The following DPP6 variants were observed in gnomAD, a reference collection of about 807,000 sequenced individuals.
DPP6 encodes the protein A-type potassium channel modulatory protein DPP6.
Under a neutral mutation model 122.6 loss-of-function variants are expected in DPP6, and 69 were observed. The ratio of observed to expected loss-of-function variants is 0.56; its 90% CI spans 0.46 to 0.69. The LOEUF is 0.69. Ranked by LOEUF, DPP6 falls within the 30% of genes least tolerant of loss-of-function variation. The pLI is 0.00. For missense variants in DPP6, 928 were observed against 1,116.9 expected, an observed-to-expected ratio of 0.83 and a Z score of 2.41; for synonymous variants, 418 against 433.1, an observed-to-expected ratio of 0.97 and a Z score of 0.43.
chr7:154,466,495 C>G (rs535156013), intron 2 of DPP6, among the ~76,000 whole-genome samples: 2 of 152,224 alleles, frequency 1.3e-5, no homozygotes, highest in Non-Finnish European at 2.9e-5. Context: ...TATCCTCTCC[C>G]TGCTTTTTCT....
At chr7:154,045,805 G>A (rs1799992372) in intron 1 of DPP6, among the ~76,000 whole-genome samples, 1 of 152,192 alleles carries the variant, frequency 6.6e-6, no homozygotes, top group Non-Finnish European at 1.5e-5. Flanking sequence ...TTCACTTTGA[G>A]GAGTACTGAT....
intron 1 of DPP6, among the ~76,000 whole-genome samples, chr7:154,397,904 G>C (rs775416264): frequency 6.6e-6 from 1 of 152,124 alleles, no homozygotes; most frequent in Non-Finnish European, 1.5e-5. Flanking sequence ...AATCTTTCTA[G>C]GTCTTGGTGC....
chr7:154,712,281 A>T (rs1841236360), intron 7 of DPP6, among the ~76,000 whole-genome samples: 1 of 152,234 alleles, frequency 6.6e-6, no homozygotes, highest in Admixed American at 6.5e-5. Context: ...ATGAAAACTG[A>T]TTATCTTAGT....
chr7:154,338,395 A>G (rs111416567), intron 1 of DPP6, among the ~76,000 whole-genome samples: 1 of 152,206 alleles, frequency 6.6e-6, no homozygotes, highest in Admixed American at 6.5e-5. Context: ...AAAAGAAACG[A>G]TCTCAGGAAA....
intron 1 of DPP6, among the ~76,000 whole-genome samples, chr7:154,374,540 T>G (rs1812951137): frequency 6.6e-6 from 1 of 152,124 alleles, no homozygotes; most frequent in Admixed American, 6.5e-5. Context: ...CCTCCACACT[T>G]TGAGAGAATG....
At chr7:154,104,058 A>G (rs1347021120) in intron 1 of DPP6, among the ~76,000 whole-genome samples, 1 of 152,140 alleles carries the variant, frequency 6.6e-6, no homozygotes, top group Admixed American at 6.5e-5. Flanking sequence ...ATACACATAC[A>G]TCCCACAGAT....
intron 3 of DPP6, among the ~76,000 whole-genome samples, chr7:154,506,233 TTC>T (rs1183837618): frequency 2.7e-5 from 4 of 150,732 alleles, no homozygotes; most frequent in African/African-American, 9.7e-5. Context: ...AGTTTTTTTT[TTC>T]TCAGTTTTTG....
At position 154,879,355 on chromosome 7, in the gene DPP6, C is replaced by T. The variant is rs571439306; in HGVS notation, c.2079-1533C>T. 6.7e-3 allele frequency among the ~76,000 whole-genome samples: 657 copies of T among 98,772 alleles called. 80 individuals are homozygous for T. The highest frequency in any genetic ancestry group is 7.0e-3 in the Non-Finnish European group (374 of 53,492). The allele number at this position is 98,772 out of a possible 152,430, so 64.8% of individuals were successfully genotyped here. A position where few individuals can be genotyped will look rare whatever the true frequency, so the allele number is the denominator to read the frequency against. On this transcript the variant is annotated intron_variant, in intron 20 of 25. Transcript: ENST00000377770. ...CAGCACTTTGGGAGGCCGAGGCGGG[C>T]GGATCACGAGGTCAGGAGATCGAGA...
intron 1 of DPP6, among the ~76,000 whole-genome samples, chr7:154,043,449 A>G (rs1417016604): frequency 7.9e-6 from 1 of 127,302 alleles, no homozygotes; most frequent in Non-Finnish European, 1.6e-5. Context: ...GACCTATTCC[A>G]AGATTTTCAT....
chr7:154,470,461 A>G (rs1490022534), intron 2 of DPP6, among the ~76,000 whole-genome samples: 1 of 152,182 alleles, frequency 6.6e-6, no homozygotes, highest in African/African-American at 2.4e-5. Context: ...TCAGTAGCTT[A>G]CCTCTACCTG....
At chr7:153,892,503 G>A (rs974416060) in intron 1 of DPP6, among the ~76,000 whole-genome samples, 5 of 152,042 alleles carry the variant, frequency 3.3e-5, no homozygotes, top group African/African-American at 1.2e-4. Context: ...TAGTAGAGAC[G>A]AGGTTTTGCC....
intron 5 of DPP6, among the ~76,000 whole-genome samples, chr7:154,576,157 T>C: frequency 6.6e-6 from 1 of 152,178 alleles, no homozygotes; most frequent in African/African-American, 2.4e-5. Flanking sequence ...CACCTTCTAA[T>C]TGGTCTCTCT....
chr7:153,939,206 T>G (rs191855224), intron 1 of DPP6, among the ~76,000 whole-genome samples: 84 of 152,346 alleles, frequency 5.5e-4, no homozygotes, highest in Middle Eastern at 3.4e-3. Context: ...ATACTTCATA[T>G]ACAGTACAAA....
chr7:154,756,104 C>CCGTTTG (rs1843652997), intron 8 of DPP6, among the ~76,000 whole-genome samples: 1 of 152,220 alleles, frequency 6.6e-6, no homozygotes, highest in African/African-American at 2.4e-5. Flanking sequence ...GAAGAGTGAG[C>CCGTTTG]CGTTTGCTCT....
intron 6 of DPP6, among the ~76,000 whole-genome samples, chr7:154,663,605 G>T (rs6968728): frequency 0.078 from 3,552 of 45,614 alleles, 112 homozygotes; most frequent in African/African-American, 0.14. Context: ...TCACCATGGC[G>T]TGTTGGCCCT....
At chr7:153,964,566 C>T (rs1233506176) in intron 1 of DPP6, among the ~76,000 whole-genome samples, 4 of 152,196 alleles carry the variant, frequency 2.6e-5, no homozygotes, top group Non-Finnish European at 5.9e-5. Context: ...CACCCACTAC[C>T]TGGGAGATGT....
chr7:154,828,589 T>C (rs772055330), intron 16 of DPP6, among the ~76,000 whole-genome samples: 38 of 152,338 alleles, frequency 2.5e-4, no homozygotes, highest in Admixed American at 1.8e-3. Context: ...TCTAATATAT[T>C]CCAGCGGGCT....
At chr7:153,925,587 G>T (rs1208952768) in intron 1 of DPP6, among the ~76,000 whole-genome samples, 1 of 151,908 alleles carries the variant, frequency 6.6e-6, no homozygotes, top group Non-Finnish European at 1.5e-5. Context: ...GGTCTCTGCA[G>T]TTCTGATAAT....
At chr7:154,509,515 G>A (rs555969332) in intron 3 of DPP6, among the ~76,000 whole-genome samples, 177 of 152,132 alleles carry the variant, frequency 1.2e-3, no homozygotes, top group Non-Finnish European at 2.0e-3. Flanking sequence ...GAACCTTCAC[G>A]TCCTGCTGGT....
Sources: gnomAD v4.1 joint callset for allele counts (sites outside exome capture counted in the v4.1 genomes callset) on GRCh38, gnomAD v4.1.1 for gene constraint, MANE v1.5 for transcripts, NCBI Gene and HGNC (gene_info 2026-07-23, HGNC 2026-07-21) for gene names.